DNAH3: variants seen among roughly 807,000 people sequenced by gnomAD.
The protein encoded by DNAH3 is dynein axonemal heavy chain 3.
Under a neutral mutation model 432.5 loss-of-function variants are expected in DNAH3, and 332 were observed. The observed-to-expected ratio is 0.77, with a 90% CI of 0.70 to 0.84. The LOEUF is 0.84. Among genes scored for constraint, DNAH3 ranks in the 40% least tolerant of loss-of-function variants. The pLI is 0.00. For synonymous variants in DNAH3, 1,956 were observed against 1,900.2 expected (o/e 1.03, Z -0.76); for missense variants, 4,861 against 5,114.0 (o/e 0.95, Z 1.51).
At chr16:21,141,909 G>A (rs1327452660) in intron 3 of DNAH3, among the ~76,000 whole-genome samples, 2 of 151,816 alleles carry the variant, frequency 1.3e-5, no homozygotes, top group South Asian at 4.2e-4. Context: ...AAAATTAGCC[G>A]GGCATTGCGG....
intron 12 of DNAH3, among the ~76,000 whole-genome samples, chr16:21,115,002 T>A (rs1248348415): frequency 1.3e-5 from 2 of 152,142 alleles, no homozygotes; most frequent in African/African-American, 4.8e-5. Context: ...CAAATGTCCA[T>A]CAATGATAGA....
intron 2 of DNAH3, 35 bp downstream of exon 3, chr16:21,145,949 C>A (rs778474083): frequency 7.2e-7 from 1 of 1,382,798 alleles, no homozygotes; most frequent in East Asian, 2.3e-5. Context: ...ACCTCCTCAC[C>A]CTCAACAGAA....
At chr16:20,961,959 A>G (rs200050910) in intron 53 of DNAH3, among the ~76,000 whole-genome samples, 1 of 151,544 alleles carries the variant, frequency 6.6e-6, no homozygotes, top group Non-Finnish European at 1.5e-5. Context: ...TCAGGAGTTC[A>G]AGACCAGCCT....
intron 24 of DNAH3, among the ~76,000 whole-genome samples, chr16:21,066,493 G>T (rs979229095): frequency 6.6e-6 from 1 of 152,066 alleles, no homozygotes; most frequent in Non-Finnish European, 1.5e-5. Flanking sequence ...TCAGCCTCCA[G>T]AGTAGCTGGG....
At chr16:20,997,289 T>C in exon 44 of DNAH3, 4 of 1,613,792 alleles carry the variant, frequency 2.5e-6, no homozygotes, top group Non-Finnish European at 3.4e-6. Context: ...ATACCAGTAA[T>C]GTCATTCCTT....
chr16:21,112,458 A>G (rs1246217751), intron 12 of DNAH3, among the ~76,000 whole-genome samples: 1 of 152,158 alleles, frequency 6.6e-6, no homozygotes, highest in Non-Finnish European at 1.5e-5. Context: ...TCATGGTGGG[A>G]GGCAAAAGAC....
intron 33 of DNAH3, 93 bp downstream of exon 33, chr16:21,039,759 C>G: frequency 1.0e-6 from 1 of 961,902 alleles, no homozygotes. Context: ...GCTTCTCTCT[C>G]TTCTTCCAAT....
At chr16:21,044,261 G>A (rs1251349112) in intron 31 of DNAH3, among the ~76,000 whole-genome samples, 29 of 141,014 alleles carry the variant, frequency 2.1e-4, no homozygotes, top group African/African-American at 7.6e-4. Context: ...AATTACCTTG[G>A]GCAGTATGGC....
At chr16:21,110,457 G>A (rs1033075077) in intron 14 of DNAH3, among the ~76,000 whole-genome samples, 1 of 152,218 alleles carries the variant, frequency 6.6e-6, no homozygotes. Flanking sequence ...TGGAGCTGCA[G>A]AAGCCCATAA....
chr16:21,085,711 T>C (rs893454129), intron 19 of DNAH3, among the ~76,000 whole-genome samples: 9 of 152,112 alleles, frequency 5.9e-5, no homozygotes, highest in African/African-American at 1.9e-4. Context: ...TCTCTCTTCC[T>C]AGGGAGAACA....
intron 1 of DNAH3, among the ~76,000 whole-genome samples, chr16:21,148,439 T>TTA (rs1002496745): frequency 7.3e-6 from 1 of 137,770 alleles, no homozygotes; most frequent in African/African-American, 2.9e-5. Context: ...ATTATTATTA[T>TTA]TTATTTTTTT....
chr16:21,147,467 C>T (rs1370921224), intron 1 of DNAH3, among the ~76,000 whole-genome samples: 3 of 152,112 alleles, frequency 2.0e-5, no homozygotes, highest in Non-Finnish European at 4.4e-5. Flanking sequence ...CCACCTGCTT[C>T]GACCTTCCAA....
chr16:21,082,724 G>C (rs1255017821), intron 19 of DNAH3, among the ~76,000 whole-genome samples: 1 of 151,834 alleles, frequency 6.6e-6, no homozygotes, highest in African/African-American at 2.4e-5. Context: ...AGCTACTTGG[G>C]AGGCTGAGGC....
At chr16:21,063,635 A>T (rs1430334708) in intron 24 of DNAH3, among the ~76,000 whole-genome samples, 2 of 151,574 alleles carry the variant, frequency 1.3e-5, no homozygotes, top group East Asian at 3.9e-4. Context: ...CTTGACCTCC[A>T]GGGCTCAAGC....
In DNAH3 at chr16:20,937,816, G is replaced by A. The variant is rs1017285992; in HGVS notation, c.11655-963C>T. Among the ~76,000 whole-genome samples the A allele has an allele frequency of 4.6e-5, 7 of 151,904 alleles. No homozygotes were observed. In the East Asian group the frequency reaches 5.8e-4, roughly 13 times the overall value. ...GCTGGGATTACAGATGAGCTACCAC[G>A]CCTGGCCAAAGGTCCTTTTTTATCG... On this transcript the variant is annotated intron_variant, in intron 59 of 61. Coordinates refer to ENST00000261383, the Ensembl canonical transcript of DNAH3.
exon 41 of DNAH3, chr16:21,019,626 C>G: frequency 6.2e-7 from 1 of 1,614,092 alleles, no homozygotes; most frequent in Non-Finnish European, 8.5e-7. Context: ...TAAATTACCT[C>G]TTTCTGGAAA....
At chr16:21,066,384 T>C (rs1002500203) in intron 24 of DNAH3, among the ~76,000 whole-genome samples, 1 of 151,982 alleles carries the variant, frequency 6.6e-6, no homozygotes, top group South Asian at 2.1e-4. Flanking sequence ...TTTTTTTATT[T>C]TGAGACATGG....
At chr16:21,125,236 T>C (rs540035745) in exon 9 of DNAH3, 1 of 1,613,868 alleles carries the variant, frequency 6.2e-7, no homozygotes, top group South Asian at 1.1e-5. Context: ...CTCCCTAAGC[T>C]GCAGCGACAT....
chr16:20,965,126 G>C lies in DNAH3; in HGVS notation c.8758C>G (p.Gln2920Glu), dbSNP rs1231237193. The change falls in exon 53 of 62, where the codon CAG (glutamine) becomes GAG (glutamate). Residue 2920 changes from glutamine (Q) to glutamate (E), a missense_variant. Physicochemically the swap from Gln to Glu is conservative, Grantham distance 29 (BLOSUM62 2). Coordinates refer to ENST00000261383, the Ensembl canonical transcript of DNAH3. ...TCTGCTCTTTTCTGGTTCAGCTTCT[G>C]CATCTGTGCAGCCAGCTTCCCCTCT... The C allele has an allele frequency of 1.4e-5, 22 of 1,613,962 alleles. No individual in the cohort carries two copies. Among genetic ancestry groups the C allele is most frequent in the East Asian group, 2.2e-5 (1 of 44,890 alleles).
Sources: allele counts gnomAD v4.1 joint callset (sites outside exome capture counted in the v4.1 genomes callset), GRCh38; gene constraint gnomAD v4.1.1; transcripts MANE v1.5; gene names NCBI Gene and HGNC (gene_info 2026-07-23, HGNC 2026-07-21).